The following PDS5A variants were observed in gnomAD, a reference collection of about 807,000 sequenced individuals.
The protein encoded by PDS5A is sister chromatid cohesion protein PDS5 homolog A.
In PDS5A, 42 loss-of-function variants were observed where a neutral mutation model predicts 167.1. The ratio of observed to expected loss-of-function variants is 0.25; its 90% CI spans 0.20 to 0.33. PDS5A has a LOEUF of 0.33. Among genes scored for constraint, PDS5A ranks in the 10% least tolerant of loss-of-function variants. The pLI is 1.00. For missense variants in PDS5A, 1,033 were observed against 1,605.9 expected, an observed-to-expected ratio of 0.64 and a Z score of 6.10; for synonymous variants, 553 against 554.6, an observed-to-expected ratio of 1.00 and a Z score of 0.04.
At chr4:39,914,162 G>GTT (rs34732453) in intron 8 of PDS5A, among the ~76,000 whole-genome samples, 58 of 64,096 alleles carry the variant, frequency 9.0e-4, no homozygotes, top group South Asian at 1.7e-3. Context: ...ATACAAATTT[G>GTT]TTTTTTTTTT....
At chr4:39,837,340 C>G (rs1716521398) in intron 32 of PDS5A, 2 of 152,790 alleles carry the variant, frequency 1.3e-5, no homozygotes, top group South Asian at 2.1e-4. Flanking sequence ...CAGGAAAAGT[C>G]TGAAATCTCA....
At chr4:39,973,866 C>T (rs891251726) in intron 2 of PDS5A, 1 of 824,114 alleles carries the variant, frequency 1.2e-6, no homozygotes, top group African/African-American at 1.7e-5. Context: ...TGGCTCACGC[C>T]TGTAATCCCA....
chr4:39,942,599 G>GT (rs1198575605), intron 2 of PDS5A, among the ~76,000 whole-genome samples: 1 of 151,878 alleles, frequency 6.6e-6, no homozygotes, highest in African/African-American at 2.4e-5. Context: ...CCTAATTTTC[G>GT]TATCTTTTGT....
At chr4:39,868,726 T>C in intron 22 of PDS5A, 1 of 453,792 alleles carries the variant, frequency 2.2e-6, no homozygotes. Context: ...CTGCTCTGCC[T>C]CCCAAAGTGC....
At chr4:39,841,578 T>C (rs868043557) in intron 31 of PDS5A, among the ~76,000 whole-genome samples, 18 of 151,080 alleles carry the variant, frequency 1.2e-4, no homozygotes, top group African/African-American at 4.4e-4. Flanking sequence ...AATGGCGTTA[T>C]CTCAGCTCAC....
At chr4:39,854,803 T>C (rs1319328000) in intron 26 of PDS5A, among the ~76,000 whole-genome samples, 1 of 152,082 alleles carries the variant, frequency 6.6e-6, no homozygotes, top group African/African-American at 2.4e-5. Flanking sequence ...CTATAAATAT[T>C]TGTTAAGGAA....
chr4:39,958,814 G>C (rs1453267398), intron 2 of PDS5A, among the ~76,000 whole-genome samples: 1 of 151,916 alleles, frequency 6.6e-6, no homozygotes, highest in Non-Finnish European at 1.5e-5. Flanking sequence ...TCACCATGTT[G>C]GCCAGGTTGG....
At chr4:39,938,868 G>T (rs1560501116) in intron 2 of PDS5A, among the ~76,000 whole-genome samples, 2 of 151,982 alleles carry the variant, frequency 1.3e-5, no homozygotes, top group Non-Finnish European at 2.9e-5. Flanking sequence ...TACTCAGGAG[G>T]CTGAGGCAGA....
In PDS5A at chr4:39,829,950, C is replaced by CAAAAAAAAAA. The variant is rs1158287221; in HGVS notation, c.4011-4472_4011-4463dup. Among the ~76,000 whole-genome samples, 124 of 67,306 alleles carry CAAAAAAAAAA rather than the reference C, an allele frequency of 1.8e-3. 4 individuals carry two copies. The highest frequency in any genetic ancestry group is 4.9e-3 in the African/African-American group (58 of 11,924). The allele number at this position is 67,306 out of a possible 152,430, so 44.2% of individuals were successfully genotyped here. On this transcript the variant is annotated intron_variant, in intron 32 of 32. Transcript: ENST00000303538. ...TGGGCGACAGACTGAGACTCCAACTCAAAAAAAAAAAAAAAAAAAAAAAAA... is the reference window on the plus strand; with the variant it reads ...TGGGCGACAGACTGAGACTCCAACTCAAAAAAAAAAAAAAAAAAAAAAAAAAAAAAAAAAA...
At chr4:39,903,671 T>C (rs1249838971) in intron 12 of PDS5A, among the ~76,000 whole-genome samples, 1 of 152,300 alleles carries the variant, frequency 6.6e-6, no homozygotes, top group East Asian at 1.9e-4. Context: ...GATAATCCTG[T>C]GGGAAAGGCA....
intron 11 of PDS5A, among the ~76,000 whole-genome samples, chr4:39,907,140 A>C (rs998819715): frequency 3.9e-5 from 6 of 152,146 alleles, no homozygotes; most frequent in African/African-American, 1.4e-4. Flanking sequence ...ATAGTAGTGA[A>C]ACTTTTTAAA....
At chr4:39,892,659 T>G (rs1722075472) in intron 16 of PDS5A, among the ~76,000 whole-genome samples, 1 of 152,250 alleles carries the variant, frequency 6.6e-6, no homozygotes, top group African/African-American at 2.4e-5. Flanking sequence ...TTATAAAATT[T>G]ATTTAATCAT....
At chr4:39,906,276 G>A (rs1560471244) in intron 11 of PDS5A, among the ~76,000 whole-genome samples, 1 of 152,094 alleles carries the variant, frequency 6.6e-6, no homozygotes, top group Non-Finnish European at 1.5e-5. Flanking sequence ...ACTGAGGTGG[G>A]AGGATCGCTT....
At chr4:39,843,095 G>A (rs564873681) in intron 30 of PDS5A, among the ~76,000 whole-genome samples, 7 of 151,060 alleles carry the variant, frequency 4.6e-5, no homozygotes, top group Admixed American at 1.3e-4. Context: ...GATTGGTTTC[G>A]AACTCCTGGG....
At chr4:39,919,652 A>T (rs28699622) in intron 7 of PDS5A, among the ~76,000 whole-genome samples, 7 of 151,752 alleles carry the variant, frequency 4.6e-5, no homozygotes, top group South Asian at 2.1e-4. Context: ...CTCAAAAAAA[A>T]TTTTTTTTTC....
intron 13 of PDS5A, 84 bp downstream of exon 13, chr4:39,902,263 C>A (rs1722947201): frequency 1.6e-6 from 1 of 611,802 alleles, no homozygotes; most frequent in Non-Finnish European, 2.9e-6. Flanking sequence ...AGCAACAATC[C>A]AATCAATAAC....
chr4:39,843,580 C>T (rs2109500513), intron 30 of PDS5A, among the ~76,000 whole-genome samples: 1 of 152,024 alleles, frequency 6.6e-6, no homozygotes, highest in Middle Eastern at 3.4e-3. Flanking sequence ...GGAGTGGTGG[C>T]GTGTGCCTGT....
At chr4:39,885,897 G>C (rs1721425995) in intron 17 of PDS5A, among the ~76,000 whole-genome samples, 1 of 152,188 alleles carries the variant, frequency 6.6e-6, no homozygotes, top group Non-Finnish European at 1.5e-5. Flanking sequence ...CAAGGCTGCA[G>C]TGAACTATGA....
intron 11 of PDS5A, among the ~76,000 whole-genome samples, chr4:39,906,938 A>AC (rs1488864565): frequency 5.4e-5 from 8 of 148,772 alleles, no homozygotes; most frequent in African/African-American, 1.2e-4. Flanking sequence ...AAAAAAAAAA[A>AC]AAAAACAAGC....
Sources: allele counts gnomAD v4.1 joint callset (sites outside exome capture counted in the v4.1 genomes callset), GRCh38; gene constraint gnomAD v4.1.1; transcripts MANE v1.5; gene names NCBI Gene and HGNC (gene_info 2026-07-23, HGNC 2026-07-21).